Variants in ZNF613 observed in about 807,000 individuals in gnomAD.
ZNF613 encodes the protein zinc finger protein 613.
In ZNF613, 8 loss-of-function variants were observed where a neutral mutation model predicts 14.3. The ratio of observed to expected loss-of-function variants is 0.56; its 90% CI spans 0.33 to 1.01. The LOEUF (loss-of-function observed/expected upper bound fraction) is 1.01. Among genes scored for constraint, ZNF613 ranks in the 50% least tolerant of loss-of-function variants. The pLI is 0.03. For missense variants in ZNF613, 656 were observed against 741.9 expected, an observed-to-expected ratio of 0.88 and a Z score of 1.35; for synonymous variants, 228 against 254.5, an observed-to-expected ratio of 0.90 and a Z score of 0.99.
In ZNF613 at chr19:51,944,609, C is replaced by G. The variant is rs2085378550; in HGVS notation, c.726C>G (p.Ser242=). ...GCAGTATATGTGGGAAAGCCTTCTC[C>G]AGAAAGTCCGGGCTCACTGAACACC... ...HGCSICGKAF[S]RKSGLTEHQR... The change falls in exon 6 of 6, where the codon TCC becomes TCG. Residue 242 remains serine (S), a synonymous_variant. Transcript: ENST00000293471. 1 of 1,614,174 alleles carries G rather than the reference C, an allele frequency of 6.2e-7. No homozygotes were observed. The highest frequency in any genetic ancestry group is 8.5e-7 in the Non-Finnish European group (1 of 1,180,046).
At chr19:51,933,951 A>G (rs2085286739) in intron 2 of ZNF613, among the ~76,000 whole-genome samples, 1 of 152,094 alleles carries the variant, frequency 6.6e-6, no homozygotes. Context: ...GACATGTGCC[A>G]CCACACCTGG....
chr19:51,944,730 A>G lies in ZNF613; in HGVS notation c.847A>G (p.Thr283Ala), dbSNP rs2085380285. Residue 283 changes from threonine (T) to alanine (A), a missense_variant, in exon 6 of 6, where the codon ACA becomes GCA. Thr to Ala is a moderately conservative substitution (Grantham distance 58). Transcript: ENST00000293471. ...GCTCAATGCACACCAGAAAATTCAT[A>G]CAGGAGAGAAGTCATATATATGCAG... ...SQLNAHQKIH[T>A]GEKSYICSDC... The G allele has an allele frequency of 6.2e-7, 1 of 1,613,888 alleles. No individual in the cohort carries two copies. The highest frequency in any genetic ancestry group is 1.7e-4 in the Middle Eastern group (1 of 6,060).
At chr19:51,938,807 C>A (rs890644155) in intron 3 of ZNF613, among the ~76,000 whole-genome samples, 1 of 147,532 alleles carries the variant, frequency 6.8e-6, no homozygotes, top group African/African-American at 2.6e-5. Context: ...ACCGTAGAGC[C>A]TGGGCATGTA....
In ZNF613 at chr19:51,945,957, C is replaced by T. The variant is rs1207150883; in HGVS notation, c.*220C>T. 5.4e-6 allele frequency: 3 copies of T among 558,968 alleles called. No homozygotes were observed. Among genetic ancestry groups the T allele is most frequent in the African/African-American group, 1.9e-5 (1 of 52,918 alleles). 34.6% of individuals were successfully genotyped at this position (558,968 alleles called of 1,614,324 possible). A position where few individuals can be genotyped will look rare whatever the true frequency, so the allele number is the denominator to read the frequency against. Reference sequence around the variant, plus strand: ...TCTTCTCATCAGTGACCATAGATCACATCTTCAGTGAGCTTATAGTTGGTA... The same window carrying T: ...TCTTCTCATCAGTGACCATAGATCATATCTTCAGTGAGCTTATAGTTGGTA... On this transcript the variant is annotated 3_prime_UTR_variant, in exon 6 of 6. Transcript: ENST00000293471.
chr19:51,934,475 G>A (rs151310240), intron 2 of ZNF613, among the ~76,000 whole-genome samples: 1 of 152,064 alleles, frequency 6.6e-6, no homozygotes, highest in Non-Finnish European at 1.5e-5. Context: ...TTTATTAAAT[G>A]TGTACATATT....
Position 51,944,439 on chromosome 19 carries a change from A to C in ZNF613, c.556A>C (p.Asn186His). 2 of 1,607,004 alleles carry C rather than the reference A, an allele frequency of 1.2e-6. No individual in the cohort carries two copies. Among genetic ancestry groups the C allele is most frequent in the Non-Finnish European group, 1.7e-6 (2 of 1,174,688 alleles). ...MNFPEGGNSVNTNSQFIKHQR... is the reference protein window; with the variant it reads ...MNFPEGGNSVHTNSQFIKHQR... Reference sequence around the variant, plus strand: ...CTTCCCCGAAGGTGGAAATTCTGTGAATACAAATTCACAATTCATTAAGCA... The same window carrying C: ...CTTCCCCGAAGGTGGAAATTCTGTGCATACAAATTCACAATTCATTAAGCA... Residue 186 changes from asparagine (N) to histidine (H), a missense_variant, in exon 6 of 6, where the codon AAT (asparagine) becomes CAT (histidine). By Grantham distance (68) the Asn-to-His change is moderately conservative. Transcript: ENST00000293471.
intron 2 of ZNF613, among the ~76,000 whole-genome samples, chr19:51,932,036 T>C (rs556650676): frequency 5.9e-5 from 9 of 152,128 alleles, no homozygotes; most frequent in African/African-American, 1.7e-4. Flanking sequence ...GGGGGGGTGA[T>C]TGTCGAGTAA....
In ZNF613 at chr19:51,945,616, CT is replaced by C. The variant is rs770014255; in HGVS notation, c.1734del (p.Val579TrpfsTer7). The C allele has an allele frequency of 1.2e-6, 2 of 1,614,184 alleles. No homozygotes were observed. The highest frequency in any genetic ancestry group is 2.2e-5 in the South Asian group (2 of 91,080). ...SVNMVTLQMP[S>X]VAAQTSLTNS... ...AACATGGTGACTCTGCAGATGCCTT[CT>C]GTGGCAGCTCAGACCTCATTAACTA... On this transcript the variant is annotated frameshift_variant, in exon 6 of 6. Coordinates refer to ENST00000293471, the MANE Select transcript of ZNF613 (RefSeq NM_001031721.4). LOFTEE classifies it low-confidence loss of function (END_TRUNC).
chr19:51,944,318 G>C lies in ZNF613; in HGVS notation c.435G>C (p.Gln145His). ...AATCAAATTTAAGTTTAGTCAACCAGAACAAAAGGTATGAAATCAAGAATT... is the reference window on the plus strand; with the variant it reads ...AATCAAATTTAAGTTTAGTCAACCACAACAAAAGGTATGAAATCAAGAATT... Reference protein sequence around the residue: ...ILKSNLSLVNQNKRYEIKNSV... With the variant: ...ILKSNLSLVNHNKRYEIKNSV... The change falls in exon 6 of 6, where the codon CAG becomes CAC. Residue 145 changes from glutamine to histidine, a missense_variant. Physicochemically the swap from Gln to His is conservative, Grantham distance 24. Coordinates refer to ENST00000293471, the MANE Select transcript of ZNF613 (RefSeq NM_001031721.4). 6.3e-7 allele frequency: 1 copy of C among 1,595,012 alleles called. No homozygotes were observed. The highest frequency in any genetic ancestry group is 1.1e-5 in the South Asian group (1 of 89,170).
chr19:51,938,226 A>G (rs2085319643), intron 3 of ZNF613, among the ~76,000 whole-genome samples: 1 of 152,058 alleles, frequency 6.6e-6, no homozygotes, highest in African/African-American at 2.4e-5. Context: ...AAATGGAAAG[A>G]TTGCACAACT....
chr19:51,933,932 G>A (rs2085286465), intron 2 of ZNF613, among the ~76,000 whole-genome samples: 1 of 152,140 alleles, frequency 6.6e-6, no homozygotes, highest in Non-Finnish European at 1.5e-5. Context: ...TTGAGTAGCT[G>A]GGACTACAGA....
intron 2 of ZNF613, among the ~76,000 whole-genome samples, chr19:51,934,334 T>C (rs999922718): frequency 2.6e-5 from 4 of 152,086 alleles, no homozygotes; most frequent in African/African-American, 9.7e-5. Context: ...TTTTTTTTGT[T>C]GTTGGTACTT....
intron 3 of ZNF613, among the ~76,000 whole-genome samples, chr19:51,939,477 C>T (rs2085330833): frequency 6.6e-6 from 1 of 151,846 alleles, no homozygotes; most frequent in Admixed American, 6.6e-5. Context: ...TACAGGCATG[C>T]ACCACCATGC....
In ZNF613 at chr19:51,944,718, C is replaced by G; in HGVS notation, c.835C>G (p.Gln279Glu). 6.2e-7 allele frequency: 1 copy of G among 1,613,544 alleles called. No individual in the cohort carries two copies. The highest frequency in any genetic ancestry group is 8.5e-7 in the Non-Finnish European group (1 of 1,179,918). Residue 279 changes from glutamine to glutamate, a missense_variant, in exon 6 of 6, where the codon CAG becomes GAG. Gln to Glu is a conservative substitution (Grantham distance 29). Transcript: ENST00000293471. ...CTGGAAATCACAGCTCAATGCACAC[C>G]AGAAAATTCATACAGGAGAGAAGTC... is the stretch of plus-strand genomic sequence containing the variant. ...FRWKSQLNAH[Q>E]KIHTGEKSYI... is the part of the protein sequence containing the mutation.
chr19:51,938,727 T>TATAC (rs1453727129), intron 3 of ZNF613, among the ~76,000 whole-genome samples: 1 of 129,128 alleles, frequency 7.7e-6, no homozygotes, highest in African/African-American at 3.0e-5. Context: ...TGTACATGGA[T>TATAC]ATATATATAT....
At chr19:51,929,122 G>A (rs1440613913) in intron 1 of ZNF613, among the ~76,000 whole-genome samples, 1 of 152,104 alleles carries the variant, frequency 6.6e-6, no homozygotes, top group Admixed American at 6.5e-5. Flanking sequence ...TCACAATGCA[G>A]ATAAGCTGCT....
chr19:51,934,625 T>A (rs545075735), intron 2 of ZNF613, among the ~76,000 whole-genome samples: 13 of 152,238 alleles, frequency 8.5e-5, no homozygotes, highest in Non-Finnish European at 1.5e-4. Context: ...ATTTTCTTTA[T>A]GGCTTCCTAT....
chr19:51,937,880 C>G (rs536641849), intron 3 of ZNF613, among the ~76,000 whole-genome samples: 1 of 152,046 alleles, frequency 6.6e-6, no homozygotes, highest in South Asian at 2.1e-4. Flanking sequence ...CAGGCATGCA[C>G]TACGACTGCC....
At chr19:51,940,587 C>G (rs1430411422) in intron 4 of ZNF613, 30 bp from the exon 5 acceptor site, 1 of 1,595,024 alleles carries the variant, frequency 6.3e-7, no homozygotes, top group African/African-American at 1.3e-5. Context: ...ATTCAATGAG[C>G]CTAAGTTGTG....
Sources: allele counts gnomAD v4.1 joint callset (sites outside exome capture counted in the v4.1 genomes callset), GRCh38; gene constraint gnomAD v4.1.1; transcripts MANE v1.5; gene names NCBI Gene and HGNC (gene_info 2026-07-23, HGNC 2026-07-21).